NBPF15: variants seen among roughly 807,000 people sequenced by gnomAD.
NBPF15 encodes the protein NBPF member 15.
In NBPF15, 74 loss-of-function variants were observed where a neutral mutation model predicts 62.2. That is an observed-to-expected ratio of 1.19 (90% CI 0.99 to 1.44). NBPF15 has a LOEUF of 1.44. Ranked by LOEUF, NBPF15 falls within the 40% of genes most tolerant of loss-of-function variation. NBPF15 has a pLI of 0.00. For missense variants in NBPF15, 790 were observed against 550.0 expected, an observed-to-expected ratio of 1.44 and a Z score of -4.36; for synonymous variants, 244 against 209.7, an observed-to-expected ratio of 1.16 and a Z score of -1.41.
Position 144,455,914 on chromosome 1 carries a change from T to C in NBPF15, c.-432+623A>G, listed in dbSNP as rs1553546841. Among the ~76,000 whole-genome samples, 2 of 152,068 alleles carry C rather than the reference T, an allele frequency of 1.3e-5. 1 individual carries two copies. Among genetic ancestry groups the C allele is most frequent in the Non-Finnish European group, 2.9e-5 (2 of 67,990 alleles). ...AAAGAAGGCATCCACCACAAGGTCC[T>C]GGGGAACCAAGAATTCCACTGTGGC... On this transcript the variant is annotated intron_variant, in intron 4 of 21. Transcript: ENST00000581897.
intron 15 of NBPF15, among the ~76,000 whole-genome samples, 188 bp from the exon 16 acceptor site, chr1:144,428,178 GACACACACACACACACACAC>G (rs782021320): frequency 7.5e-6 from 1 of 132,470 alleles, no homozygotes; most frequent in South Asian, 2.5e-4. Flanking sequence ...GAAAGAGAAA[GACACACACACACACACACAC>G]ACACACACAC....
chr1:144,444,327 A>G (rs1553543466), intron 6 of NBPF15, among the ~76,000 whole-genome samples: 1 of 151,142 alleles, frequency 6.6e-6, no homozygotes, highest in Non-Finnish European at 1.5e-5. Context: ...ACAAAAGCCC[A>G]CCAAGAGTTT....
intron 6 of NBPF15, among the ~76,000 whole-genome samples, chr1:144,442,060 A>G (rs1683281228): frequency 7.0e-6 from 1 of 141,848 alleles, no homozygotes; most frequent in Non-Finnish European, 1.5e-5. Flanking sequence ...ACCTAATGTA[A>G]GTGACGAGTT....
chr1:144,422,962 C>G lies in NBPF15; in HGVS notation c.*51G>C. The G allele has an allele frequency of 6.2e-7, 1 of 1,611,576 alleles. No homozygotes were observed. Among genetic ancestry groups the G allele is most frequent in the South Asian group, 1.1e-5 (1 of 90,938 alleles). On this transcript the variant is annotated 3_prime_UTR_variant, in exon 22 of 22. Transcript: ENST00000581897. ...GTACTTTCATTCAAATCTTCTCGTG[C>G]CTATAGGTCCTGCCTGCAGGAATGA...
chr1:144,440,825 C>A (rs1293644089), intron 6 of NBPF15, among the ~76,000 whole-genome samples: 5 of 150,582 alleles, frequency 3.3e-5, no homozygotes, highest in African/African-American at 1.2e-4. Flanking sequence ...GCTAATTTTT[C>A]TTTTTCTTTT....
chr1:144,445,440 T>C (rs1474822174), intron 6 of NBPF15, among the ~76,000 whole-genome samples: 1 of 147,452 alleles, frequency 6.8e-6, no homozygotes, highest in Non-Finnish European at 1.5e-5. Context: ...TAGACATACA[T>C]GTGAGTATCT....
At chr1:144,451,572 G>T (rs139798424) in intron 4 of NBPF15, among the ~76,000 whole-genome samples, 3 of 151,900 alleles carry the variant, frequency 2.0e-5, no homozygotes, top group Non-Finnish European at 2.9e-5. Context: ...GCAGTCTTCC[G>T]CAGTGTAGTG....
intron 9 of NBPF15, 136 bp from the exon 10 acceptor site, chr1:144,437,245 T>C (rs1361540529): frequency 2.2e-6 from 2 of 898,424 alleles, no homozygotes; most frequent in Non-Finnish European, 3.7e-6. Context: ...TAAAGGAATG[T>C]CTGTGGCCAA....
chr1:144,424,650 A>G (rs1668308127), intron 20 of NBPF15, 40 bp downstream of exon 20: 4 of 636,924 alleles, frequency 6.3e-6, no homozygotes, highest in Non-Finnish European at 1.1e-5. Flanking sequence ...TATATGGAAG[A>G]CTCAGTGGAT....
At chr1:144,453,500 C>T (rs1409499592) in intron 4 of NBPF15, among the ~76,000 whole-genome samples, 2 of 151,426 alleles carry the variant, frequency 1.3e-5, no homozygotes, top group Admixed American at 6.6e-5. Flanking sequence ...AAATTAAAAA[C>T]TTCTGTTCTG....
In NBPF15 at chr1:144,427,354, G is replaced by T. The variant is rs375897079; in HGVS notation, c.1214-256C>A. Among the ~76,000 whole-genome samples the T allele has an allele frequency of 1.6e-3, 210 of 127,384 alleles. 5 individuals carry two copies. In the East Asian group the frequency reaches 0.043, roughly 26 times the overall value. The allele number at this position is 127,384 out of a possible 152,430, so 83.6% of individuals were successfully genotyped here. A position where few individuals can be genotyped will look rare whatever the true frequency, so the allele number is the denominator to read the frequency against. On this transcript the variant is annotated intron_variant, in intron 16 of 21. Transcript: ENST00000581897. Reference sequence around the variant, plus strand: ...CATTTGTCCCAAGTTTGTGCAAATGGTTATGCCATATTTTTCCAATCGATT... The same window carrying T: ...CATTTGTCCCAAGTTTGTGCAAATGTTTATGCCATATTTTTCCAATCGATT...
intron 6 of NBPF15, among the ~76,000 whole-genome samples, chr1:144,444,720 G>A (rs1553543552): frequency 1.3e-5 from 2 of 151,836 alleles, no homozygotes; most frequent in African/African-American, 4.8e-5. Flanking sequence ...AGTTGGTCTG[G>A]TGATAATTTC....
At chr1:144,447,809 A>C (rs1293732331) in intron 6 of NBPF15, among the ~76,000 whole-genome samples, 2 of 152,080 alleles carry the variant, frequency 1.3e-5, no homozygotes, top group Non-Finnish European at 2.9e-5. Context: ...TGCCTTTCTA[A>C]TTTGAAATAA....
At chr1:144,424,312 G>T (rs1331043262) in intron 20 of NBPF15, among the ~76,000 whole-genome samples, 1 of 151,416 alleles carries the variant, frequency 6.6e-6, no homozygotes, top group Non-Finnish European at 1.5e-5. Context: ...ATTTAGCCCT[G>T]TCTCATCAAA....
intron 20 of NBPF15, 142 bp from the exon 21 acceptor site, chr1:144,424,117 T>G (rs1262586759): frequency 5.4e-6 from 4 of 735,534 alleles, no homozygotes; most frequent in Non-Finnish European, 9.8e-6. Flanking sequence ...TCAGGAGGTC[T>G]GAAGGCTGGT....
At chr1:144,445,020 A>G (rs1553543627) in intron 6 of NBPF15, among the ~76,000 whole-genome samples, 2 of 151,412 alleles carry the variant, frequency 1.3e-5, no homozygotes, top group Admixed American at 1.3e-4. Context: ...ATCCTCACCA[A>G]CAGGTGCTAT....
At chr1:144,436,863 T>C in intron 10 of NBPF15, 32 bp downstream of exon 10, 2 of 1,610,508 alleles carry the variant, frequency 1.2e-6, no homozygotes. Flanking sequence ...AAGCCTGGGA[T>C]TTTGGGTCAT....
chr1:144,439,250 G>A (rs1419995276), intron 8 of NBPF15, among the ~76,000 whole-genome samples: 7 of 151,772 alleles, frequency 4.6e-5, no homozygotes, highest in Admixed American at 2.0e-4. Context: ...CCAAAGTGCT[G>A]GGATTACAGG....
intron 9 of NBPF15, among the ~76,000 whole-genome samples, chr1:144,437,366 C>A (rs1679271344): frequency 6.6e-6 from 1 of 150,560 alleles, no homozygotes; most frequent in East Asian, 2.0e-4. Context: ...AAGTAGGTGT[C>A]TTCCTAATTC....
Sources: gnomAD v4.1 joint callset for allele counts (sites outside exome capture counted in the v4.1 genomes callset) on GRCh38, gnomAD v4.1.1 for gene constraint, MANE v1.5 for transcripts, NCBI Gene and HGNC (gene_info 2026-07-23, HGNC 2026-07-21) for gene names.